The following FBXL13 variants were observed in gnomAD, a reference collection of about 807,000 sequenced individuals.
The protein encoded by FBXL13 is F-box and leucine-rich repeat protein 13.
Under a neutral mutation model 83.6 loss-of-function variants are expected in FBXL13, and 67 were observed. That is an observed-to-expected ratio of 0.80 (90% CI 0.66 to 0.98). The LOEUF is 0.98. Ranked by LOEUF, FBXL13 falls within the 50% of genes least tolerant of loss-of-function variation. The probability of loss-of-function intolerance (pLI) is 0.00; values close to 1 mark genes in which losing one functional copy is unlikely to be tolerated. For synonymous variants in FBXL13, 272 were observed against 299.5 expected (o/e 0.91, Z 0.95); for missense variants, 822 against 866.5 (o/e 0.95, Z 0.64).
chr7:102,985,519 G>T (rs528989848), intron 6 of FBXL13, among the ~76,000 whole-genome samples: 4 of 152,278 alleles, frequency 2.6e-5, no homozygotes, highest in Non-Finnish European at 4.4e-5. Context: ...GGAGTAGATG[G>T]GATTTGTGTT....
intron 3 of FBXL13, 80 bp downstream of exon 4, chr7:103,029,271 A>G (rs774214200): frequency 3.2e-5 from 27 of 850,382 alleles, no homozygotes; most frequent in Non-Finnish European, 4.9e-5. Flanking sequence ...ACAACTGGCC[A>G]AAAGTGAATT....
At chr7:102,870,630 T>G (rs938529598) in intron 16 of FBXL13, among the ~76,000 whole-genome samples, 1 of 152,138 alleles carries the variant, frequency 6.6e-6, no homozygotes, top group African/African-American at 2.4e-5. Flanking sequence ...AGGAAGGGAT[T>G]TGGCTTGTTT....
intron 17 of FBXL13, among the ~76,000 whole-genome samples, chr7:102,854,512 A>G (rs542422404): frequency 6.6e-6 from 1 of 152,236 alleles, no homozygotes; most frequent in Non-Finnish European, 1.5e-5. Flanking sequence ...CCTAAAACTT[A>G]AAGTATAATT....
chr7:102,812,971 T>G (rs962592490), downstream of FBXL13, among the ~76,000 whole-genome samples: 2 of 151,378 alleles, frequency 1.3e-5, no homozygotes, highest in Non-Finnish European at 2.9e-5. Flanking sequence ...GCCTCCTGAG[T>G]AGCTGGGATT....
intron 6 of FBXL13, among the ~76,000 whole-genome samples, chr7:102,999,365 A>G (rs1012227732): frequency 6.6e-6 from 1 of 152,198 alleles, no homozygotes; most frequent in Non-Finnish European, 1.5e-5. Flanking sequence ...AATCAGGGAT[A>G]TTAGCCTGTG....
At chr7:102,815,099 C>G (rs1035211870) in intron 19 of FBXL13, among the ~76,000 whole-genome samples, 2 of 152,068 alleles carry the variant, frequency 1.3e-5, no homozygotes, top group African/African-American at 4.8e-5. Context: ...ATGTAACAAA[C>G]AGCAAGGCTC....
intron 8 of FBXL13, among the ~76,000 whole-genome samples, chr7:102,958,028 A>T (rs1254751079): frequency 2.0e-5 from 3 of 152,192 alleles, no homozygotes; most frequent in Non-Finnish European, 2.9e-5. Flanking sequence ...CAGCAATCCC[A>T]TTACTGGGTA....
At chr7:103,048,996 G>C (rs1331594766) in intron 2 of FBXL13, among the ~76,000 whole-genome samples, 1 of 152,022 alleles carries the variant, frequency 6.6e-6, no homozygotes, top group Admixed American at 6.6e-5. Context: ...TTCACTTTTG[G>C]TGCATAAATT....
At chr7:103,060,049 T>TACAC (rs1563286541) in intron 1 of FBXL13, among the ~76,000 whole-genome samples, 95 of 110,418 alleles carry the variant, frequency 8.6e-4, no homozygotes, top group African/African-American at 3.4e-3. Context: ...TATATATATA[T>TACAC]ATATATATAT....
At chr7:102,893,334 T>C (rs1339346190) in intron 11 of FBXL13, among the ~76,000 whole-genome samples, 1 of 152,196 alleles carries the variant, frequency 6.6e-6, no homozygotes, top group African/African-American at 2.4e-5. Flanking sequence ...ATCCTAAAGC[T>C]GAAAAAGACC....
intron 2 of FBXL13, among the ~76,000 whole-genome samples, chr7:103,035,679 C>G (rs986599109): frequency 6.6e-6 from 1 of 152,036 alleles, no homozygotes; most frequent in Non-Finnish European, 1.5e-5. Context: ...TATTAAGAAT[C>G]TGGTAAGAAC....
intron 8 of FBXL13, chr7:102,934,293 GT>G (rs1354660156): frequency 6.2e-7 from 1 of 1,613,950 alleles, no homozygotes; most frequent in Non-Finnish European, 8.5e-7. Context: ...GCGTTCTTTG[GT>G]TTAAACAAAC....
intron 11 of FBXL13, among the ~76,000 whole-genome samples, chr7:102,890,979 A>G (rs79124221): frequency 8.5e-5 from 13 of 152,206 alleles, no homozygotes; most frequent in African/African-American, 3.1e-4. Flanking sequence ...AGTGAACTCA[A>G]AGGAGCCTGA....
At chr7:102,995,972 A>G (rs940597592) in intron 6 of FBXL13, among the ~76,000 whole-genome samples, 1 of 152,104 alleles carries the variant, frequency 6.6e-6, no homozygotes, top group Admixed American at 6.5e-5. Flanking sequence ...TAAAACTTAG[A>G]TTATTCCAAA....
intron 11 of FBXL13, among the ~76,000 whole-genome samples, chr7:102,910,382 C>A (rs1032678901): frequency 1.3e-5 from 2 of 150,344 alleles, no homozygotes; most frequent in African/African-American, 2.5e-5. Flanking sequence ...TTTTCTTTTT[C>A]TTTCTTTTTT....
At chr7:102,822,131 C>A in exon 19 of FBXL13, 1 of 1,614,188 alleles carries the variant, frequency 6.2e-7, no homozygotes, top group Non-Finnish European at 8.5e-7. Flanking sequence ...GTAAGCAAGA[C>A]ACAACCAGAG....
At chr7:102,926,598 A>G (rs912463238) in intron 9 of FBXL13, among the ~76,000 whole-genome samples, 1 of 152,204 alleles carries the variant, frequency 6.6e-6, no homozygotes, top group Admixed American at 6.5e-5. Context: ...TTGGAAATCA[A>G]GTCTCATTCC....
At chr7:103,043,209 CAT>C (rs759623287) in intron 2 of FBXL13, among the ~76,000 whole-genome samples, 7 of 152,108 alleles carry the variant, frequency 4.6e-5, no homozygotes, top group East Asian at 1.9e-4. Context: ...AGCCAACAAA[CAT>C]ATGAAAAAAA....
intron 16 of FBXL13, among the ~76,000 whole-genome samples, chr7:102,871,473 C>T (rs1323415133): frequency 6.6e-6 from 1 of 151,914 alleles, no homozygotes; most frequent in Non-Finnish European, 1.5e-5. Flanking sequence ...GCAGGCTTGA[C>T]CTCCCGGGCT....
Sources: allele counts gnomAD v4.1 joint callset (sites outside exome capture counted in the v4.1 genomes callset), GRCh38; gene constraint gnomAD v4.1.1; transcripts MANE v1.5; gene names NCBI Gene and HGNC (gene_info 2026-07-23, HGNC 2026-07-21).